IGF2R: variants seen among roughly 807,000 people sequenced by gnomAD.
IGF2R encodes cation-independent mannose-6-phosphate receptor.
IGF2R carries 91 observed loss-of-function variants against 270.6 expected under a neutral mutation model. The ratio of observed to expected loss-of-function variants is 0.34; its 90% CI spans 0.28 to 0.40. IGF2R has a LOEUF of 0.40. Ranked by LOEUF, IGF2R falls within the 10% of genes least tolerant of loss-of-function variation. The pLI, the probability that IGF2R is intolerant of heterozygous loss-of-function variation, is 1.00. For missense variants in IGF2R, 2,805 were observed against 3,188.3 expected (o/e 0.88, Z 2.90); for synonymous variants, 1,316 against 1,258.9 (o/e 1.05, Z -0.96).
At chr6:159,995,506 A>T (rs1562336238) in intron 2 of IGF2R, among the ~76,000 whole-genome samples, 1 of 152,042 alleles carries the variant, frequency 6.6e-6, no homozygotes, top group African/African-American at 2.4e-5. Flanking sequence ...TTTAGTGTCA[A>T]TTGTATAATT....
chr6:160,096,973 G>A (rs1033710230), intron 45 of IGF2R, among the ~76,000 whole-genome samples: 2 of 152,202 alleles, frequency 1.3e-5, no homozygotes, highest in Admixed American at 1.3e-4. Context: ...TAGCTCCTGG[G>A]AGGCAAGTAC....
At chr6:160,101,336 G>A (rs745965292) in intron 45 of IGF2R, among the ~76,000 whole-genome samples, 6 of 152,198 alleles carry the variant, frequency 3.9e-5, no homozygotes, top group Non-Finnish European at 5.9e-5. Flanking sequence ...GGGTGAGTGG[G>A]TTTCTGGCTT....
Position 160,078,349 on chromosome 6 carries a change from C to T in IGF2R, c.5465C>T (p.Thr1822Met), listed in dbSNP as rs115412888. ...LYSFNLSSLS[T>M]STFKVTRDSR... ...AGCTTCAACTTGTCCAGCCTTTCCA[C>T]GAGCACCTTTAAGGTAATGCGTTCA... is the stretch of plus-strand genomic sequence containing the variant. The change falls in exon 37 of 48, where the codon ACG (threonine) becomes ATG (methionine). Residue 1822 changes from threonine (T) to methionine (M), a missense_variant. Physicochemically the swap from Thr to Met is moderately conservative, Grantham distance 81 (BLOSUM62 -1). Transcript: ENST00000356956. 1.5e-3 allele frequency: 2,426 copies of T among 1,614,080 alleles called. 38 individuals carry two copies. In the African/African-American group the frequency reaches 0.027, roughly 18 times the overall value.
intron 4 of IGF2R, among the ~76,000 whole-genome samples, chr6:160,017,863 T>C (rs1414105285): frequency 6.6e-6 from 1 of 152,190 alleles, no homozygotes; most frequent in Non-Finnish European, 1.5e-5. Context: ...AAAGGAGGTC[T>C]ATACAGGGAA....
At chr6:160,065,812 G>A (rs868604849) in intron 29 of IGF2R, among the ~76,000 whole-genome samples, 758 of 68,940 alleles carry the variant, frequency 0.011, 5 homozygotes, top group African/African-American at 0.038. Flanking sequence ...GTGTGTGTGT[G>A]TGTATATATA....
At chr6:160,056,390 T>C (rs748781244) in intron 19 of IGF2R, 34 bp from the exon 20 acceptor site, 1 of 1,367,000 alleles carries the variant, frequency 7.3e-7, no homozygotes, top group Non-Finnish European at 1.0e-6. Context: ...TCCATGTTAC[T>C]GTATTGACTT....
At chr6:160,024,148 G>A (rs1777499591) in intron 4 of IGF2R, among the ~76,000 whole-genome samples, 1 of 152,166 alleles carries the variant, frequency 6.6e-6, no homozygotes, top group Non-Finnish European at 1.5e-5. Flanking sequence ...ATGGGACTGT[G>A]TTCAAGAGAG....
At position 160,047,146 on chromosome 6, in the gene IGF2R, G is replaced by C. The variant is rs1487086632; in HGVS notation, c.2052-13G>C. The C allele has an allele frequency of 1.9e-6, 3 of 1,613,178 alleles. No homozygotes were observed. In the East Asian group the frequency reaches 6.7e-5, roughly 36 times the overall value. ...CTCAGGTCTTTGCTGAGAGAAACGT[G>C]TGTTTATTTCAGTGATGAGAAGACT... On this transcript the variant is annotated splice_polypyrimidine_tract_variant and intron_variant, in intron 15 of 47. Transcript: ENST00000356956.
intron 29 of IGF2R, among the ~76,000 whole-genome samples, chr6:160,067,395 G>C (rs575731368): frequency 6.6e-6 from 1 of 151,768 alleles, no homozygotes; most frequent in African/African-American, 2.4e-5. Flanking sequence ...CCCCTTATCT[G>C]CCTTTTTTCC....
intron 4 of IGF2R, among the ~76,000 whole-genome samples, chr6:160,024,308 G>A (rs993878764): frequency 2.0e-5 from 3 of 151,696 alleles, no homozygotes; most frequent in African/African-American, 2.4e-5. Flanking sequence ...TGACGGAAAC[G>A]ATCCAGTGGA....
chr6:160,083,528 A>C (rs1232711500), intron 39 of IGF2R, among the ~76,000 whole-genome samples: 4 of 152,262 alleles, frequency 2.6e-5, no homozygotes, highest in African/African-American at 4.8e-5. Flanking sequence ...GGTCTTTCTC[A>C]TCCCACGAGG....
chr6:160,013,017 C>T (rs1583259567), intron 4 of IGF2R, among the ~76,000 whole-genome samples: 1 of 151,990 alleles, frequency 6.6e-6, no homozygotes, highest in East Asian at 1.9e-4. Context: ...GTGCCCTCTG[C>T]TCTCCTGTTA....
At chr6:160,082,599 C>A (rs563531083) in intron 39 of IGF2R, among the ~76,000 whole-genome samples, 1 of 151,640 alleles carries the variant, frequency 6.6e-6, no homozygotes, top group Non-Finnish European at 1.5e-5. Flanking sequence ...CGTGAGCCAC[C>A]GCGCCCAGCT....
intron 27 of IGF2R, 127 bp from the exon 28 acceptor site, chr6:160,064,274 T>A: frequency 9.6e-7 from 1 of 1,046,150 alleles, no homozygotes; most frequent in Non-Finnish European, 1.5e-6. Context: ...GTGCATGGTA[T>A]GGTGCTGGGA....
rs142441678 is a variant in IGF2R, at chr6:159,988,682, T to C, written c.150-2502T>C. Among the ~76,000 whole-genome samples, 512 of 152,236 alleles carry C rather than the reference T, an allele frequency of 3.4e-3. 3 individuals are homozygous for C. The highest frequency in any genetic ancestry group is 0.012 in the African/African-American group (488 of 41,528). On this transcript the variant is annotated intron_variant, in intron 1 of 47. Transcript: ENST00000356956. ...ATGATGCCACTGCCGCTACTTGAAG[T>C]TTGTCTCTGTTATCCTGGAGAAACT...
chr6:160,095,465 C>T (rs1416108619), intron 44 of IGF2R: 1 of 152,216 alleles, frequency 6.6e-6, no homozygotes, highest in Non-Finnish European at 1.5e-5. Flanking sequence ...AAGTTTTGCA[C>T]AAAATTCTTT....
rs150306162 is a variant in IGF2R at position 160,033,495 on chromosome 6, TC to T, written c.1211+390del. Among the ~76,000 whole-genome samples, 536 of 152,368 alleles carry T rather than the reference TC, an allele frequency of 3.5e-3. 5 individuals carry two copies. The highest frequency in any genetic ancestry group is 0.012 in the African/African-American group (512 of 41,584). ...GAAACATAACTCCCTCTCCTTTTCT[TC>T]CTCTTTCCATTTTCCGTAAGGTACG... On this transcript the variant is annotated intron_variant, in intron 9 of 47. Transcript: ENST00000356956.
chr6:160,042,739 C>T (rs949588460), intron 11 of IGF2R, among the ~76,000 whole-genome samples: 2 of 152,152 alleles, frequency 1.3e-5, no homozygotes, highest in Admixed American at 6.5e-5. Context: ...AGGGGCCGAG[C>T]GGGGTGTATT....
At chr6:160,098,201 T>C (rs1261318869) in intron 45 of IGF2R, among the ~76,000 whole-genome samples, 1 of 152,076 alleles carries the variant, frequency 6.6e-6, no homozygotes. Context: ...ATCCCGTCCA[T>C]GTTGAATGTT....
Sources: allele counts gnomAD v4.1 joint callset (sites outside exome capture counted in the v4.1 genomes callset), GRCh38; gene constraint gnomAD v4.1.1; transcripts MANE v1.5; gene names NCBI Gene and HGNC (gene_info 2026-07-23, HGNC 2026-07-21).